The following LCLAT1 variants were observed in gnomAD, a reference collection of about 807,000 sequenced individuals.
LCLAT1 encodes the protein lysocardiolipin acyltransferase 1.
Under a neutral mutation model 30.7 loss-of-function variants are expected in LCLAT1, and 11 were observed. The ratio of observed to expected loss-of-function variants is 0.36; its 90% CI spans 0.23 to 0.59. LCLAT1 has a LOEUF of 0.59. LCLAT1 is among the 20% of genes least tolerant of loss of function. LCLAT1 has a pLI of 0.77. For synonymous variants in LCLAT1, 155 were observed against 151.3 expected, an observed-to-expected ratio of 1.02 and a Z score of -0.18; for missense variants, 402 against 458.6, an observed-to-expected ratio of 0.88 and a Z score of 1.13.
chr2:30,625,918 G>C (rs1045492906), intron 5 of LCLAT1, among the ~76,000 whole-genome samples: 1 of 152,114 alleles, frequency 6.6e-6, no homozygotes, highest in African/African-American at 2.4e-5. Context: ...TTTCTCAAGG[G>C]CTCTTACGAT....
intron 5 of LCLAT1, among the ~76,000 whole-genome samples, chr2:30,583,442 C>T (rs2885931): frequency 0.24 from 36,448 of 152,114 alleles, 4,878 homozygotes; most frequent in Non-Finnish European, 0.31. Flanking sequence ...GCCTAAAAAG[C>T]ACATACTTGA....
chr2:30,584,199 G>C (rs761102645), intron 5 of LCLAT1, among the ~76,000 whole-genome samples: 1 of 152,122 alleles, frequency 6.6e-6, no homozygotes, highest in African/African-American at 2.4e-5. Context: ...TTCTGAATCC[G>C]TGTAGCAGTT....
At chr2:30,605,769 C>CT (rs1200910693) in intron 5 of LCLAT1, among the ~76,000 whole-genome samples, 1 of 152,092 alleles carries the variant, frequency 6.6e-6, no homozygotes, top group Non-Finnish European at 1.5e-5. Context: ...ATGAGCAAAT[C>CT]TTTTATGTCA....
intron 5 of LCLAT1, among the ~76,000 whole-genome samples, chr2:30,637,984 C>T (rs551037601): frequency 6.6e-6 from 1 of 152,240 alleles, no homozygotes; most frequent in South Asian, 2.1e-4. Context: ...TCCTCTACCC[C>T]CTGCGAACAA....
At chr2:30,448,837 A>G (rs1312403659) in intron 1 of LCLAT1, among the ~76,000 whole-genome samples, 1 of 151,756 alleles carries the variant, frequency 6.6e-6, no homozygotes, top group Admixed American at 6.6e-5. Context: ...ATACAACTTC[A>G]CTATTGGTGT....
At chr2:30,504,716 C>G (rs1038758711) in intron 1 of LCLAT1, among the ~76,000 whole-genome samples, 4 of 152,142 alleles carry the variant, frequency 2.6e-5, no homozygotes, top group Non-Finnish European at 5.9e-5. Flanking sequence ...TTCTCTCTCC[C>G]TTCTTTCCTT....
chr2:30,449,574 C>G (rs1229908102), intron 1 of LCLAT1, among the ~76,000 whole-genome samples: 1 of 151,480 alleles, frequency 6.6e-6, no homozygotes, highest in African/African-American at 2.4e-5. Flanking sequence ...GATCTCGGCT[C>G]ACCACAGCCT....
chr2:30,579,979 C>T (rs1473745246), intron 5 of LCLAT1, among the ~76,000 whole-genome samples: 2 of 152,066 alleles, frequency 1.3e-5, no homozygotes, highest in Admixed American at 1.3e-4. Flanking sequence ...GAGACTTCTG[C>T]ATGAATTATG....
In LCLAT1 at chr2:30,447,339, C is replaced by T. The variant is rs1681300083; in HGVS notation, c.-49C>T. 1 of 152,136 alleles carries T rather than the reference C, an allele frequency of 6.6e-6. No homozygotes were observed. The highest frequency in any genetic ancestry group is 2.1e-4 in the South Asian group (1 of 4,812). 9.4% of individuals were successfully genotyped at this position (152,136 alleles called of 1,614,324 possible). A position where few individuals can be genotyped will look rare whatever the true frequency, so the allele number is the denominator to read the frequency against. On this transcript the variant is annotated 5_prime_UTR_variant, in exon 1 of 6. Coordinates refer to ENST00000379509, the MANE Select transcript of LCLAT1 (RefSeq NM_001002257.3). ...GACCCCTACGGAGCCCCAGCTTGCCCACGCACCCCACTCGGCGTCGCGCGG... is the reference window on the plus strand; with the variant it reads ...GACCCCTACGGAGCCCCAGCTTGCCTACGCACCCCACTCGGCGTCGCGCGG...
intron 5 of LCLAT1, among the ~76,000 whole-genome samples, chr2:30,590,355 A>G (rs1666635470): frequency 1.3e-5 from 2 of 151,470 alleles, no homozygotes; most frequent in African/African-American, 4.8e-5. Flanking sequence ...ACAATAGTTG[A>G]TTAGTTATTC....
At chr2:30,585,897 T>C (rs1191361905) in intron 5 of LCLAT1, among the ~76,000 whole-genome samples, 1 of 152,146 alleles carries the variant, frequency 6.6e-6, no homozygotes, top group Non-Finnish European at 1.5e-5. Context: ...AATAAACTCT[T>C]GGTTGCTGTA....
rs1161135796 is a variant in LCLAT1, at chr2:30,643,894, C to G, written c.*3275C>G. 6.6e-6 allele frequency: 1 copy of G among 152,616 alleles called. No individual in the cohort carries two copies. Among genetic ancestry groups the G allele is most frequent in the African/African-American group, 2.4e-5 (1 of 41,444 alleles). The allele number at this position is 152,616 out of a possible 1,614,324, so 9.5% of individuals were successfully genotyped here. ...CACTGGTCACTGTAGCAGGTAAACA[C>G]TACTCTAACGTGGAGAAATGAGCTT... is the stretch of plus-strand genomic sequence containing the variant. On this transcript the variant is annotated 3_prime_UTR_variant, in exon 6 of 6. Coordinates refer to ENST00000379509, the MANE Select transcript of LCLAT1 (RefSeq NM_001002257.3).
At chr2:30,548,917 A>C (rs945592707) in intron 3 of LCLAT1, among the ~76,000 whole-genome samples, 13 of 152,166 alleles carry the variant, frequency 8.5e-5, no homozygotes, top group African/African-American at 3.1e-4. Flanking sequence ...GATCCCTTAG[A>C]AAGGAATTTG....
chr2:30,619,222 A>G (rs1307903649), intron 5 of LCLAT1, among the ~76,000 whole-genome samples: 1 of 152,216 alleles, frequency 6.6e-6, no homozygotes, highest in Non-Finnish European at 1.5e-5. Flanking sequence ...TACTACTTAT[A>G]GACACTAGAA....
intron 1 of LCLAT1, among the ~76,000 whole-genome samples, chr2:30,496,605 T>A (rs1684130512): frequency 6.6e-6 from 1 of 152,232 alleles, no homozygotes; most frequent in South Asian, 2.1e-4. Flanking sequence ...AAAGGTCAAA[T>A]GAGAGTGTAA....
At chr2:30,463,782 C>A (rs188430209) in intron 1 of LCLAT1, among the ~76,000 whole-genome samples, 51 of 152,266 alleles carry the variant, frequency 3.3e-4, no homozygotes, top group Non-Finnish European at 6.3e-4. Context: ...TGGAACAGAT[C>A]CCCCATGGAT....
At chr2:30,617,823 T>A (rs1266565940) in intron 5 of LCLAT1, among the ~76,000 whole-genome samples, 1 of 152,202 alleles carries the variant, frequency 6.6e-6, no homozygotes, top group Non-Finnish European at 1.5e-5. Flanking sequence ...CAATTTTTTA[T>A]CCAATTTAAA....
intron 1 of LCLAT1, among the ~76,000 whole-genome samples, chr2:30,518,327 T>A (rs1328375766): frequency 6.6e-6 from 1 of 152,028 alleles, no homozygotes; most frequent in Non-Finnish European, 1.5e-5. Flanking sequence ...CCCGGGTGAT[T>A]GAGGGAAAAA....
chr2:30,520,224 A>G (rs1366906399), intron 1 of LCLAT1, among the ~76,000 whole-genome samples: 1 of 152,122 alleles, frequency 6.6e-6, no homozygotes, highest in African/African-American at 2.4e-5. Context: ...GCGGCCCACC[A>G]CCATCTTGGG....
Sources: gnomAD v4.1 joint callset for allele counts (sites outside exome capture counted in the v4.1 genomes callset) on GRCh38, gnomAD v4.1.1 for gene constraint, MANE v1.5 for transcripts, NCBI Gene and HGNC (gene_info 2026-07-23, HGNC 2026-07-21) for gene names.